Variants in LARS2 observed in about 807,000 individuals in gnomAD.
LARS2 encodes leucyl-tRNA synthetase 2, mitochondrial, also known as leucine--tRNA ligase, mitochondrial.
A neutral mutation model predicts 116.6 loss-of-function variants in LARS2; 81 were observed. The ratio of observed to expected loss-of-function variants is 0.69; its 90% confidence interval spans 0.58 to 0.84. LARS2 has a LOEUF of 0.84. Ranked by LOEUF, LARS2 falls within the 40% of genes least tolerant of loss-of-function variation. The probability of loss-of-function intolerance (pLI) is 0.00; values close to 1 mark genes in which losing one functional copy is unlikely to be tolerated. For synonymous variants in LARS2, 396 were observed against 407.2 expected, an observed-to-expected ratio of 0.97 and a Z score of 0.33; for missense variants, 968 against 1,114.5, an observed-to-expected ratio of 0.87 and a Z score of 1.87.
intron 6 of LARS2, among the ~76,000 whole-genome samples, chr3:45,433,484 A>T (rs1257848781): frequency 6.6e-6 from 1 of 152,108 alleles, no homozygotes; most frequent in Non-Finnish European, 1.5e-5. Flanking sequence ...TCATTTTACC[A>T]GTTTAAATAA....
At chr3:45,431,290 G>C (rs181999294) in intron 6 of LARS2, among the ~76,000 whole-genome samples, 1 of 152,146 alleles carries the variant, frequency 6.6e-6, no homozygotes, top group Non-Finnish European at 1.5e-5. Flanking sequence ...AGCAGCCCAA[G>C]CTGACTAAGA....
chr3:45,446,902 G>C lies in LARS2; in HGVS notation c.528G>C (p.Thr176=), dbSNP rs777360535. 1 of 1,606,314 alleles carries C rather than the reference G, an allele frequency of 6.2e-7. No homozygotes were observed. Among genetic ancestry groups the C allele is most frequent in the Non-Finnish European group, 8.5e-7 (1 of 1,173,666 alleles). ...TTCTTTGTTGGCAGGAAATAACTAC[G>C]TGTTTGCCAGATTACTACAAGTGGA... ...LCFSWDREIT[T]CLPDYYKWTQ... The change falls in exon 7 of 22, where the codon ACG becomes ACC. Residue 176 remains threonine (T), a synonymous_variant. Coordinates refer to ENST00000645846, the MANE Select transcript of LARS2 (RefSeq NM_015340.4).
chr3:45,533,265 A>C (rs941665164), intron 20 of LARS2, among the ~76,000 whole-genome samples: 21 of 142,080 alleles, frequency 1.5e-4, no homozygotes, highest in Non-Finnish European at 2.0e-4. Flanking sequence ...ATTTGCCTGC[A>C]TCAGCCTCCT....
At chr3:45,438,259 C>G (rs916157695) in intron 6 of LARS2, among the ~76,000 whole-genome samples, 5 of 152,056 alleles carry the variant, frequency 3.3e-5, no homozygotes, top group Non-Finnish European at 5.9e-5. Flanking sequence ...GCTTGATTAC[C>G]GGCACCTCCT....
intron 13 of LARS2, among the ~76,000 whole-genome samples, chr3:45,492,630 G>A (rs1296355195): frequency 1.3e-5 from 2 of 152,220 alleles, no homozygotes; most frequent in Non-Finnish European, 2.9e-5. Flanking sequence ...CTAACTAACT[G>A]TCTAGCCTTG....
intron 10 of LARS2, among the ~76,000 whole-genome samples, chr3:45,477,604 G>A (rs1699637669): frequency 6.6e-6 from 1 of 152,116 alleles, no homozygotes; most frequent in South Asian, 2.1e-4. Context: ...CCAGATAAGG[G>A]GATATGAAGC....
intron 19 of LARS2, among the ~76,000 whole-genome samples, chr3:45,522,826 C>G (rs1360466418): frequency 6.6e-6 from 1 of 151,884 alleles, no homozygotes; most frequent in East Asian, 1.9e-4. Flanking sequence ...CCAGGGCAGG[C>G]AGATGGCTTG....
At chr3:45,401,516 T>A (rs1002582716) in intron 4 of LARS2, among the ~76,000 whole-genome samples, 1 of 151,620 alleles carries the variant, frequency 6.6e-6, no homozygotes, top group Non-Finnish European at 1.5e-5. Context: ...AAAAAAAGAA[T>A]CTGATATGGG....
intron 7 of LARS2, among the ~76,000 whole-genome samples, chr3:45,458,045 A>C (rs748467441): frequency 4.6e-5 from 7 of 152,184 alleles, no homozygotes; most frequent in African/African-American, 7.2e-5. Context: ...TGGTTACATG[A>C]GTATGTAACT....
intron 20 of LARS2, among the ~76,000 whole-genome samples, chr3:45,540,317 G>T (rs1030528050): frequency 6.6e-6 from 1 of 152,112 alleles, no homozygotes; most frequent in African/African-American, 2.4e-5. Flanking sequence ...TATATTTTGG[G>T]CCTTTCCAAA....
chr3:45,408,911 A>G (rs1698280382), intron 4 of LARS2, among the ~76,000 whole-genome samples: 1 of 152,198 alleles, frequency 6.6e-6, no homozygotes, highest in South Asian at 2.1e-4. Flanking sequence ...AGTTATAGCT[A>G]CTGGTACTTT....
intron 20 of LARS2, among the ~76,000 whole-genome samples, chr3:45,525,751 C>G (rs192187790): frequency 6.6e-6 from 1 of 152,206 alleles, no homozygotes; most frequent in African/African-American, 2.4e-5. Flanking sequence ...CCCCCTCCAA[C>G]AGGTGGCTTA....
rs548436756 is a variant in LARS2 at position 45,396,038 on chromosome 3, T to C, written c.234+1351T>C. On this transcript the variant is annotated intron_variant, in intron 3 of 21. Coordinates refer to ENST00000645846, the MANE Select transcript of LARS2 (RefSeq NM_015340.4). ...GAGTGAGGACAGTAAAATTAGCTTTTTTTTCCCTTTTGGTTTAGATAATCA... is the reference window on the plus strand; with the variant it reads ...GAGTGAGGACAGTAAAATTAGCTTTCTTTTCCCTTTTGGTTTAGATAATCA... 4.6e-5 allele frequency among the ~76,000 whole-genome samples: 7 copies of C among 152,364 alleles called. No homozygotes were observed. The South Asian group carries it at 1.5e-3, about 32-fold the overall frequency.
chr3:45,547,288 A>ACAGGCAGGCC, intron 21 of LARS2, 63 bp from the exon 22 acceptor site: 1 of 1,472,628 alleles, frequency 6.8e-7, no homozygotes, highest in Non-Finnish European at 9.2e-7. Flanking sequence ...GAGGTTTGGT[A>ACAGGCAGGCC]TTGGGCCGCC....
intron 6 of LARS2, among the ~76,000 whole-genome samples, chr3:45,430,272 AT>A (rs58555987): frequency 0.2 from 19,052 of 96,610 alleles, 1,346 homozygotes; most frequent in Middle Eastern, 0.32. Context: ...GCACCCGGCC[AT>A]TTTTTTTTTT....
intron 14 of LARS2, among the ~76,000 whole-genome samples, chr3:45,496,702 C>T (rs993781632): frequency 2.6e-5 from 4 of 152,212 alleles, no homozygotes; most frequent in African/African-American, 9.6e-5. Context: ...TGGCTCTGCT[C>T]CAGCCCCTCC....
chr3:45,492,748 G>A (rs1699945315), intron 13 of LARS2, among the ~76,000 whole-genome samples: 1 of 152,228 alleles, frequency 6.6e-6, no homozygotes, highest in Non-Finnish European at 1.5e-5. Flanking sequence ...ATCCTGCACA[G>A]TGATACCTTC....
intron 6 of LARS2, among the ~76,000 whole-genome samples, chr3:45,425,029 T>C (rs1474875803): frequency 6.6e-6 from 1 of 152,180 alleles, no homozygotes; most frequent in Non-Finnish European, 1.5e-5. Context: ...ATTTTTAGAT[T>C]TATTATTATT....
intron 21 of LARS2, among the ~76,000 whole-genome samples, chr3:45,543,968 A>G (rs574454924): frequency 3.3e-5 from 5 of 152,350 alleles, no homozygotes; most frequent in Non-Finnish European, 5.9e-5. Flanking sequence ...TTAGATAATC[A>G]TTGAAATGCA....
Sources: gnomAD v4.1 joint callset for allele counts (sites outside exome capture counted in the v4.1 genomes callset) on GRCh38, gnomAD v4.1.1 for gene constraint, MANE v1.5 for transcripts, NCBI Gene and HGNC (gene_info 2026-07-23, HGNC 2026-07-21) for gene names.